Variants in RNF115 observed in about 807,000 individuals in gnomAD.
The protein encoded by RNF115 is ring finger protein 115.
A neutral mutation model predicts 39.2 loss-of-function variants in RNF115; 31 were observed. That is an observed-to-expected ratio of 0.79 (90% CI 0.59 to 1.07). The LOEUF (loss-of-function observed/expected upper bound fraction) is 1.07, where lower values mean the gene tolerates loss of function less well. Among genes scored for constraint, RNF115 ranks in the 50% least tolerant of loss-of-function variants. The probability of loss-of-function intolerance (pLI) is 0.00; values close to 1 mark genes in which losing one functional copy is unlikely to be tolerated. For synonymous variants in RNF115, 124 were observed against 131.0 expected (o/e 0.95, Z 0.37); for missense variants, 384 against 381.7 (o/e 1.01, Z -0.05).
chr1:145,795,848 A>G (rs1409276155), intron 1 of RNF115, among the ~76,000 whole-genome samples: 1 of 152,204 alleles, frequency 6.6e-6, no homozygotes, highest in Non-Finnish European at 1.5e-5. Context: ...TCTGCTAATT[A>G]TTCTTGATAA....
intron 1 of RNF115, among the ~76,000 whole-genome samples, chr1:145,798,009 TGTTGA>T (rs1227068036): frequency 1.3e-5 from 2 of 152,136 alleles, no homozygotes; most frequent in South Asian, 2.1e-4. Context: ...GATTTTTTGT[TGTTGA>T]GTTGTTGTTC....
intron 4 of RNF115, among the ~76,000 whole-genome samples, chr1:145,770,891 C>A (rs1647607456): frequency 6.6e-6 from 1 of 152,158 alleles, no homozygotes; most frequent in Admixed American, 6.5e-5. Context: ...AAAAGACACT[C>A]AACAAACATT....
chr1:145,812,529 G>A (rs1358294745), intron 1 of RNF115, among the ~76,000 whole-genome samples: 12 of 151,566 alleles, frequency 7.9e-5, no homozygotes, highest in African/African-American at 2.2e-4. Context: ...GTGTGGTGGC[G>A]CACACCCATA....
intron 4 of RNF115, among the ~76,000 whole-genome samples, chr1:145,761,687 C>T (rs981960132): frequency 7.2e-5 from 11 of 152,190 alleles, no homozygotes; most frequent in Non-Finnish European, 1.3e-4. Context: ...TAGGGCGGTG[C>T]GGAAGGAAAA....
At chr1:145,762,134 T>C (rs1658558102) in intron 4 of RNF115, among the ~76,000 whole-genome samples, 1 of 152,250 alleles carries the variant, frequency 6.6e-6, no homozygotes. Flanking sequence ...TTGCTTTTGA[T>C]TTTACAGGCT....
intron 1 of RNF115, among the ~76,000 whole-genome samples, chr1:145,791,474 T>C (rs1339403074): frequency 2.0e-5 from 3 of 150,286 alleles, no homozygotes; most frequent in African/African-American, 7.4e-5. Context: ...ATCACGCCAT[T>C]GCACTCCAGC....
chr1:145,751,212 A>G (rs928556744), intron 6 of RNF115, among the ~76,000 whole-genome samples: 3 of 152,218 alleles, frequency 2.0e-5, no homozygotes, highest in Non-Finnish European at 4.4e-5. Flanking sequence ...TTTTCTTCCT[A>G]TGGAGGTGAA....
At chr1:145,751,275 A>T (rs1658076851) in intron 6 of RNF115, among the ~76,000 whole-genome samples, 163 bp downstream of exon 6, 1 of 152,238 alleles carries the variant, frequency 6.6e-6, no homozygotes, top group Non-Finnish European at 1.5e-5. Flanking sequence ...TGCTGAGCTA[A>T]CCCCATAAAT....
intron 4 of RNF115, among the ~76,000 whole-genome samples, chr1:145,757,418 A>C (rs1389557076): frequency 3.9e-5 from 6 of 152,228 alleles, no homozygotes; most frequent in Non-Finnish European, 8.8e-5. Flanking sequence ...CATGAATCCC[A>C]GTGAGATTCA....
chr1:145,811,883 C>CAAAAAAAAA (rs67086842), intron 1 of RNF115, among the ~76,000 whole-genome samples: 38 of 35,848 alleles, frequency 1.1e-3, no homozygotes, highest in Non-Finnish European at 1.6e-3. Flanking sequence ...TTCTGTCTCA[C>CAAAAAAAAA]AAAAAAAAAA....
intron 2 of RNF115, among the ~76,000 whole-genome samples, chr1:145,787,907 AAAAAGATT>A (rs1648466901): frequency 1.3e-5 from 2 of 152,120 alleles, no homozygotes; most frequent in South Asian, 4.1e-4. Flanking sequence ...AGAAAAAAGA[AAAAAGATT>A]TTATAGTTTT....
chr1:145,793,845 T>TC (rs1648802382), intron 1 of RNF115, among the ~76,000 whole-genome samples: 2 of 147,760 alleles, frequency 1.4e-5, no homozygotes, highest in Non-Finnish European at 3.0e-5. Flanking sequence ...CCTCTTTCTT[T>TC]TTTTTTTTTT....
At chr1:145,796,223 T>C (rs1405818846) in intron 1 of RNF115, among the ~76,000 whole-genome samples, 4 of 152,222 alleles carry the variant, frequency 2.6e-5, no homozygotes, top group Non-Finnish European at 5.9e-5. Context: ...CCAGCTATGT[T>C]AAGGGTCCAC....
At chr1:145,790,463 G>C (rs782144413) in intron 1 of RNF115, among the ~76,000 whole-genome samples, 1 of 148,176 alleles carries the variant, frequency 6.7e-6, no homozygotes, top group Non-Finnish European at 1.5e-5. Flanking sequence ...ACAGAGTTTC[G>C]CTCTTGCTGC....
intron 3 of RNF115, among the ~76,000 whole-genome samples, chr1:145,782,931 G>A (rs370726963): frequency 6.6e-6 from 1 of 152,142 alleles, no homozygotes; most frequent in African/African-American, 2.4e-5. Context: ...GTGCGATCTC[G>A]ACTCACCTCA....
intron 1 of RNF115, among the ~76,000 whole-genome samples, chr1:145,811,355 C>CA (rs71829191): frequency 0.37 from 22,220 of 60,022 alleles, 3,503 homozygotes; most frequent in Non-Finnish European, 0.45. Context: ...CCATCACTAC[C>CA]AAAAAAAAAA....
intron 4 of RNF115, among the ~76,000 whole-genome samples, chr1:145,767,723 C>T (rs1344690979): frequency 3.3e-5 from 5 of 152,268 alleles, no homozygotes; most frequent in Non-Finnish European, 7.3e-5. Flanking sequence ...GCCATCCCGG[C>T]ACCTCGGGAG....
intron 2 of RNF115, chr1:145,787,024 A>G (rs1553718167): frequency 2.4e-6 from 3 of 1,267,902 alleles, no homozygotes; most frequent in South Asian, 1.2e-5. Context: ...TAAAATGTGT[A>G]GTTTTTCCTG....
At chr1:145,809,487 AAT>A (rs1491448937) in intron 1 of RNF115, among the ~76,000 whole-genome samples, 5 of 25,608 alleles carry the variant, frequency 2.0e-4, no homozygotes, top group Admixed American at 1.1e-3. Flanking sequence ...AGACCCAGCT[AAT>A]TTTTTTTTTT....
Sources: gnomAD v4.1 joint callset for allele counts (sites outside exome capture counted in the v4.1 genomes callset) on GRCh38, gnomAD v4.1.1 for gene constraint, MANE v1.5 for transcripts, NCBI Gene and HGNC (gene_info 2026-07-23, HGNC 2026-07-21) for gene names.